Variants in PTPRO observed in about 807,000 individuals in gnomAD.
PTPRO encodes the protein receptor-type tyrosine-protein phosphatase O.
A neutral mutation model predicts 145.2 loss-of-function variants in PTPRO; 62 were observed. The ratio of observed to expected loss-of-function variants is 0.43; its 90% CI spans 0.35 to 0.53. The LOEUF is 0.53. Ranked by LOEUF, PTPRO falls within the 20% of genes least tolerant of loss-of-function variation. The probability of loss-of-function intolerance (pLI) is 0.01; values close to 1 mark genes in which losing one functional copy is unlikely to be tolerated. For missense variants in PTPRO, 1,345 were observed against 1,482.7 expected (o/e 0.91, Z 1.53); for synonymous variants, 565 against 514.7 (o/e 1.10, Z -1.32).
chr12:15,357,543 A>G (rs1357319470), intron 1 of PTPRO, among the ~76,000 whole-genome samples: 1 of 152,186 alleles, frequency 6.6e-6, no homozygotes, highest in Admixed American at 6.5e-5. Flanking sequence ...TTACAAGAAA[A>G]AAACAAACAA....
chr12:15,595,006 A>G lies in PTPRO; in HGVS notation c.3616A>G (p.Ser1206Gly). The part of the protein sequence containing the change: ...WMKKKQQFCI[S>G]DVIYENVSKS ...GAAGAAGAAGCAGCAGTTCTGCATC[A>G]GTGATGTCATATACGAGAATGTTAG... The change falls in exon 26 of 27, where the codon AGT becomes GGT. Residue 1206 changes from serine to glycine, a missense_variant. By Grantham distance (56) the Ser-to-Gly change is moderately conservative. Transcript: ENST00000281171. 1 of 1,613,942 alleles carries G rather than the reference A, an allele frequency of 6.2e-7. No individual in the cohort carries two copies. Among genetic ancestry groups the G allele is most frequent in the Non-Finnish European group, 8.5e-7 (1 of 1,179,862 alleles).
intron 1 of PTPRO, among the ~76,000 whole-genome samples, chr12:15,405,688 C>T (rs1212395597): frequency 2.0e-5 from 3 of 152,042 alleles, no homozygotes; most frequent in Admixed American, 6.5e-5. Context: ...AAAGTATTGG[C>T]CGTTAAGAGA....
chr12:15,563,553 A>G (rs1310843895), intron 17 of PTPRO, among the ~76,000 whole-genome samples: 1 of 152,172 alleles, frequency 6.6e-6, no homozygotes, highest in African/African-American at 2.4e-5. Flanking sequence ...ATTGTATACA[A>G]ATCATGATTA....
At chr12:15,457,358 A>T (rs1424881646) in intron 1 of PTPRO, among the ~76,000 whole-genome samples, 2 of 152,198 alleles carry the variant, frequency 1.3e-5, no homozygotes, top group African/African-American at 4.8e-5. Flanking sequence ...TCATATATTC[A>T]TGTATCCTAT....
chr12:15,328,985 A>G (rs753716430), intron 1 of PTPRO, among the ~76,000 whole-genome samples: 2 of 152,172 alleles, frequency 1.3e-5, no homozygotes, highest in South Asian at 2.1e-4. Flanking sequence ...TAAATGATGA[A>G]TGTTTCCCTT....
intron 16 of PTPRO, among the ~76,000 whole-genome samples, chr12:15,557,950 G>C (rs1943679476): frequency 1.3e-5 from 2 of 151,270 alleles, no homozygotes; most frequent in Admixed American, 1.3e-4. Context: ...TGTATTTTTT[G>C]AGGAGACAGA....
At chr12:15,325,632 T>C (rs1209487849) in intron 1 of PTPRO, among the ~76,000 whole-genome samples, 2 of 152,218 alleles carry the variant, frequency 1.3e-5, no homozygotes, top group Non-Finnish European at 2.9e-5. Context: ...AAGTGAGGTA[T>C]TTATCTGGCG....
intron 1 of PTPRO, among the ~76,000 whole-genome samples, chr12:15,393,219 A>C (rs944378266): frequency 2.0e-5 from 3 of 152,204 alleles, no homozygotes; most frequent in Admixed American, 1.3e-4. Flanking sequence ...TAACATGAAA[A>C]AAAAAATCAC....
chr12:15,592,313 C>A (rs1944570456), intron 25 of PTPRO, among the ~76,000 whole-genome samples: 1 of 152,150 alleles, frequency 6.6e-6, no homozygotes, highest in Admixed American at 6.5e-5. Flanking sequence ...TAGAGTACTC[C>A]TTTGACGCTA....
intron 2 of PTPRO, among the ~76,000 whole-genome samples, chr12:15,485,685 T>G (rs955339873): frequency 5.3e-5 from 8 of 152,202 alleles, no homozygotes; most frequent in Non-Finnish European, 1.2e-4. Flanking sequence ...CAGTTGCAGC[T>G]GAATGATTCA....
intron 1 of PTPRO, among the ~76,000 whole-genome samples, chr12:15,425,801 T>C (rs1210580257): frequency 6.6e-6 from 1 of 152,128 alleles, no homozygotes; most frequent in Non-Finnish European, 1.5e-5. Flanking sequence ...ACTAATACCA[T>C]ACATTGCTCT....
At chr12:15,550,103 T>A (rs1943414745) in intron 14 of PTPRO, among the ~76,000 whole-genome samples, 1 of 152,180 alleles carries the variant, frequency 6.6e-6, no homozygotes, top group Non-Finnish European at 1.5e-5. Flanking sequence ...AATCCATGTA[T>A]AATTTTTGAC....
intron 1 of PTPRO, among the ~76,000 whole-genome samples, chr12:15,394,564 G>A (rs866380578): frequency 5.3e-5 from 8 of 152,248 alleles, no homozygotes; most frequent in African/African-American, 1.7e-4. Context: ...GAATTAATTA[G>A]TGTTATGAGG....
At chr12:15,499,744 T>C (rs1231780614) in intron 4 of PTPRO, 150 bp downstream of exon 4, 6 of 934,614 alleles carry the variant, frequency 6.4e-6, no homozygotes, top group Non-Finnish European at 9.5e-6. Context: ...TCTATCAATA[T>C]AAAAAGAACT....
chr12:15,495,009 A>G (rs907037700), intron 2 of PTPRO, among the ~76,000 whole-genome samples: 1 of 152,020 alleles, frequency 6.6e-6, no homozygotes, highest in Non-Finnish European at 1.5e-5. Flanking sequence ...GAAGCAGTTC[A>G]AAACTTCTTT....
Position 15,551,600 on chromosome 12 carries a change from T to G in PTPRO, c.2487T>G (p.Leu829=). The G allele has an allele frequency of 6.2e-7, 1 of 1,613,662 alleles. No individual in the cohort carries two copies. The highest frequency in any genetic ancestry group is 8.5e-7 in the Non-Finnish European group (1 of 1,179,676). ...TAGTGATCTCCGTGCTGGCCATCCTTAGCACACTTTTAATTGGACTGTTGC... is the reference window on the plus strand; with the variant it reads ...TAGTGATCTCCGTGCTGGCCATCCTGAGCACACTTTTAATTGGACTGTTGC... ...NVVVISVLAI[L]STLLIGLLLV... The change falls in exon 15 of 27, where the codon CTT becomes CTG. Residue 829 remains leucine, a synonymous_variant. Transcript: ENST00000281171.
chr12:15,364,550 G>A (rs913280969), intron 1 of PTPRO, among the ~76,000 whole-genome samples: 2 of 152,158 alleles, frequency 1.3e-5, no homozygotes, highest in African/African-American at 2.4e-5. Flanking sequence ...GAGCAGCGCT[G>A]TGACAAGCAG....
chr12:15,533,068 G>C (rs893230949), intron 12 of PTPRO, among the ~76,000 whole-genome samples: 1 of 152,154 alleles, frequency 6.6e-6, no homozygotes, highest in African/African-American at 2.4e-5. Flanking sequence ...ATGAGTCAAA[G>C]TCATGAACTA....
chr12:15,551,722 T>C, intron 15 of PTPRO, 51 bp downstream of exon 15: 1 of 1,585,552 alleles, frequency 6.3e-7, no homozygotes, highest in South Asian at 1.1e-5. Flanking sequence ...AATATCTTTA[T>C]CTGCCATATA....
Sources: allele counts gnomAD v4.1 joint callset (sites outside exome capture counted in the v4.1 genomes callset), GRCh38; gene constraint gnomAD v4.1.1; transcripts MANE v1.5; gene names NCBI Gene and HGNC (gene_info 2026-07-23, HGNC 2026-07-21).